ANGPT2: variants seen among roughly 807,000 people sequenced by gnomAD.
ANGPT2 encodes angiopoietin 2.
Under a neutral mutation model 62.9 loss-of-function variants are expected in ANGPT2, and 28 were observed. That is an observed-to-expected ratio of 0.44 (90% CI 0.33 to 0.61). The LOEUF (loss-of-function observed/expected upper bound fraction) is 0.61. ANGPT2 is among the 20% of genes least tolerant of loss of function. The pLI is 0.03. For synonymous variants in ANGPT2, 284 were observed against 207.8 expected, an observed-to-expected ratio of 1.37 and a Z score of -3.15; for missense variants, 727 against 594.9, an observed-to-expected ratio of 1.22 and a Z score of -2.31.
At chr8:6,506,419 C>A (rs1044806635) in intron 8 of ANGPT2, among the ~76,000 whole-genome samples, 1 of 152,114 alleles carries the variant, frequency 6.6e-6, no homozygotes, top group Non-Finnish European at 1.5e-5. Context: ...GTCCCTAAAT[C>A]TTGATTTGCC....
chr8:6,557,789 T>C (rs537139167), intron 1 of ANGPT2, among the ~76,000 whole-genome samples: 2 of 152,164 alleles, frequency 1.3e-5, no homozygotes, highest in East Asian at 1.9e-4. Context: ...TCCTGGAAAT[T>C]GTGAACAGCT....
rs763494170 is a variant in ANGPT2, at chr8:6,562,837, T to C, written c.98A>G (p.Gln33Arg). Residue 33 changes from glutamine to arginine, a missense_variant, in exon 1 of 9, where the codon CAA becomes CGA. Coordinates refer to ENST00000629816, the MANE Select transcript of ANGPT2 (RefSeq NM_001118887.2). ...RKSMDSIGKK[Q>R]YQVQHGSCSY... ...GCAGGACCCATGCTGGACCTGATAT[T>C]GCTTCTTTCCTATGCTGTCCATGCT... 1 of 1,613,468 alleles carries C rather than the reference T, an allele frequency of 6.2e-7. No homozygotes were observed. Among genetic ancestry groups the C allele is most frequent in the Non-Finnish European group, 8.5e-7 (1 of 1,179,876 alleles).
In ANGPT2 at chr8:6,502,555, C is replaced by G. The variant is rs761518738; in HGVS notation, c.*546G>C. 1 of 152,212 alleles carries G rather than the reference C, an allele frequency of 6.6e-6. No individual in the cohort carries two copies. Among genetic ancestry groups the G allele is most frequent in the Admixed American group, 6.5e-5 (1 of 15,280 alleles). The allele number at this position is 152,212 out of a possible 1,614,324, so 9.4% of individuals were successfully genotyped here. On this transcript the variant is annotated 3_prime_UTR_variant, in exon 9 of 9. Coordinates refer to ENST00000629816, the MANE Select transcript of ANGPT2 (RefSeq NM_001118887.2). ...AAGAGATGGAGTAAAAATGCACTAACTGTTTTTCCAAATATTAAACTTCTA... is the reference window on the plus strand; with the variant it reads ...AAGAGATGGAGTAAAAATGCACTAAGTGTTTTTCCAAATATTAAACTTCTA...
In ANGPT2 at chr8:6,509,035, T is replaced by C. The variant is rs759447188; in HGVS notation, c.1224A>G (p.Thr408=). ...GGCTGATGCTGCTTATTTTGCCGGC[T>C]GTCCCTGTAAGTCCTTTAAGGTGAA... ...YRIHLKGLTG[T]AGKISSISQP... The change falls in exon 8 of 9, where the codon ACA becomes ACG. Residue 408 remains threonine (T), a synonymous_variant. Transcript: ENST00000629816. 2 of 1,614,146 alleles carry C rather than the reference T, an allele frequency of 1.2e-6. No homozygotes were observed. Among genetic ancestry groups the C allele is most frequent in the South Asian group, 1.1e-5 (1 of 91,076 alleles).
chr8:6,532,390 G>C lies in ANGPT2; in HGVS notation c.386C>G (p.Thr129Arg), dbSNP rs1294903838. ...NQTAVMIEIG[T>R]NLLNQTAEQT... The stretch of plus-strand genomic sequence containing the variant: ...CTCCGCTGTTTGGTTCAACAGGTTT[G>C]TCCCTATTTCTATCATCACAGCCGT... The change falls in exon 2 of 9, where the codon ACA becomes AGA. Residue 129 changes from threonine (T) to arginine (R), a missense_variant. Thr to Arg is a moderately conservative substitution (Grantham distance 71). Transcript: ENST00000629816. 1.9e-6 allele frequency: 3 copies of C among 1,614,036 alleles called. No homozygotes were observed. The highest frequency in any genetic ancestry group is 4.5e-5 in the East Asian group (2 of 44,868).
In ANGPT2 at chr8:6,501,591, G is replaced by C. The variant is rs1352101664; in HGVS notation, c.*1510C>G. 1.1e-4 allele frequency: 13 copies of C among 116,110 alleles called. No individual in the cohort carries two copies. The East Asian group carries it at 2.8e-3, about 25-fold the overall frequency. 7.2% of individuals were successfully genotyped at this position (116,110 alleles called of 1,614,324 possible). ...TTTTTTTGAGATGGAGTCTTGCTCTGTTGCCCCGGCTGGAGTGCAGTGGTG... is the reference window on the plus strand; with the variant it reads ...TTTTTTTGAGATGGAGTCTTGCTCTCTTGCCCCGGCTGGAGTGCAGTGGTG... On this transcript the variant is annotated 3_prime_UTR_variant, in exon 9 of 9. Coordinates refer to ENST00000629816, the MANE Select transcript of ANGPT2 (RefSeq NM_001118887.2).
intron 1 of ANGPT2, among the ~76,000 whole-genome samples, chr8:6,536,393 T>C (rs147581674): frequency 3.4e-4 from 33 of 96,100 alleles, no homozygotes; most frequent in African/African-American, 1.3e-3. Flanking sequence ...CTTCATACTT[T>C]TCCAGCCTTT....
chr8:6,518,245 C>A (rs1340726336), intron 5 of ANGPT2, among the ~76,000 whole-genome samples: 3 of 152,196 alleles, frequency 2.0e-5, no homozygotes, highest in Admixed American at 2.0e-4. Context: ...TCTTGACACT[C>A]CTGTCCCCAG....
intron 8 of ANGPT2, among the ~76,000 whole-genome samples, chr8:6,505,997 C>G (rs13269184): frequency 2.3e-5 from 3 of 132,894 alleles, no homozygotes; most frequent in African/African-American, 8.5e-5. Flanking sequence ...AAAACATATA[C>G]ATATTCTTTA....
At chr8:6,514,504 A>G (rs2979670) in intron 6 of ANGPT2, among the ~76,000 whole-genome samples, 173 bp downstream of exon 6, 5,169 of 152,212 alleles carry the variant, frequency 0.034, 293 homozygotes, top group African/African-American at 0.11. Flanking sequence ...TTTTGTTTTG[A>G]TACAGTTTAC....
At chr8:6,527,737 T>A in intron 2 of ANGPT2, 61 bp from the exon 3 acceptor site, 1 of 1,448,260 alleles carries the variant, frequency 6.9e-7, no homozygotes, top group Admixed American at 2.1e-5. Flanking sequence ...CTTTCTAACT[T>A]CCTTTTCATT....
rs745494202 is a variant in ANGPT2 at position 6,527,602 on chromosome 8, C to G, written c.519G>C (p.Gln173His). The G allele has an allele frequency of 5.6e-6, 9 of 1,613,866 alleles. No individual in the cohort carries two copies. The East Asian group carries it at 1.6e-4, about 28-fold the overall frequency. ...TTATTTCACTGGTCTGGTCCAAAATCTGTTTTTCCAATTTGTTTGTCGAGA... is the reference window on the plus strand; with the variant it reads ...TTATTTCACTGGTCTGGTCCAAAATGTGTTTTTCCAATTTGTTTGTCGAGA... The part of the protein sequence containing the change: ...HSLSTNKLEK[Q>H]ILDQTSEINK... The change falls in exon 3 of 9, where the codon CAG (glutamine) becomes CAC (histidine). Residue 173 changes from glutamine (Q) to histidine (H), a missense_variant. Coordinates refer to ENST00000629816, the MANE Select transcript of ANGPT2 (RefSeq NM_001118887.2).
At chr8:6,515,045 C>G (rs1453244247) in intron 5 of ANGPT2, among the ~76,000 whole-genome samples, 1 of 152,064 alleles carries the variant, frequency 6.6e-6, no homozygotes, top group Non-Finnish European at 1.5e-5. Context: ...ATCATCTGTT[C>G]CAGGCTAAAG....
In ANGPT2 at chr8:6,502,196, A is replaced by G. The variant is rs1812321828; in HGVS notation, c.*905T>C. On this transcript the variant is annotated 3_prime_UTR_variant, in exon 9 of 9. Transcript: ENST00000629816. ...AATGAAATGTATAATTTTCCTCATC[A>G]TTAAAAGTAAGAAGTTTCCTTATCA... 1.3e-5 allele frequency: 2 copies of G among 152,180 alleles called. No homozygotes were observed. The highest frequency in any genetic ancestry group is 1.3e-4 in the Admixed American group (2 of 15,286). 9.4% of individuals were successfully genotyped at this position (152,180 alleles called of 1,614,324 possible). A position where few individuals can be genotyped will look rare whatever the true frequency, so the allele number is the denominator to read the frequency against.
At chr8:6,554,522 T>A (rs1824247513) in intron 1 of ANGPT2, among the ~76,000 whole-genome samples, 1 of 152,206 alleles carries the variant, frequency 6.6e-6, no homozygotes, top group African/African-American at 2.4e-5. Context: ...CCATAAAAAA[T>A]TATAAAATTA....
intron 1 of ANGPT2, among the ~76,000 whole-genome samples, chr8:6,533,220 A>G (rs1819862192): frequency 6.6e-6 from 1 of 152,222 alleles, no homozygotes; most frequent in East Asian, 1.9e-4. Flanking sequence ...ACTAAAGATG[A>G]TGATCATGCT....
intron 1 of ANGPT2, among the ~76,000 whole-genome samples, chr8:6,545,849 C>T (rs138606433): frequency 0.013 from 1,987 of 152,272 alleles, 16 homozygotes; most frequent in Middle Eastern, 0.041. Context: ...AAAGTGAAAT[C>T]GATTGAATTT....
intron 1 of ANGPT2, among the ~76,000 whole-genome samples, chr8:6,544,723 A>G (rs1019606372): frequency 6.6e-6 from 1 of 152,250 alleles, no homozygotes; most frequent in Non-Finnish European, 1.5e-5. Context: ...GAAGGAATTC[A>G]TTAAGATAAA....
Position 6,554,616 on chromosome 8 carries a change from A to G in ANGPT2, c.288+8031T>C, listed in dbSNP as rs552878399. ...TAAAATAGTAAAATATTAAATATCA[A>G]CTATGAATATTTTGTGGTGGTAAGT... On this transcript the variant is annotated intron_variant, in intron 1 of 8. Transcript: ENST00000629816. Among the ~76,000 whole-genome samples, 3 of 152,358 alleles carry G rather than the reference A, an allele frequency of 2.0e-5. No homozygotes were observed. The South Asian group carries it at 6.2e-4, about 32-fold the overall frequency.
Sources: allele counts gnomAD v4.1 joint callset (sites outside exome capture counted in the v4.1 genomes callset), GRCh38; gene constraint gnomAD v4.1.1; transcripts MANE v1.5; gene names NCBI Gene and HGNC (gene_info 2026-07-23, HGNC 2026-07-21).